Variants in PDSS2 observed in about 807,000 individuals in gnomAD.
The protein encoded by PDSS2 is all trans-polyprenyl-diphosphate synthase PDSS2.
PDSS2 carries 31 observed loss-of-function variants against 44.5 expected under a neutral mutation model. That is an observed-to-expected ratio of 0.70 (90% CI 0.52 to 0.94). The LOEUF is 0.94. Ranked by LOEUF, PDSS2 falls within the 40% of genes least tolerant of loss-of-function variation. The pLI, the probability that PDSS2 is intolerant of heterozygous loss-of-function variation, is 0.00. For synonymous variants in PDSS2, 157 were observed against 180.3 expected, an observed-to-expected ratio of 0.87 and a Z score of 1.03; for missense variants, 452 against 482.2, an observed-to-expected ratio of 0.94 and a Z score of 0.59.
rs189156037 is a variant in PDSS2, at chr6:107,242,150, G to C, written c.702+3398C>G. On this transcript the variant is annotated intron_variant, in intron 4 of 7. Transcript: ENST00000369037. ...AGCCAGAATTTTTCTGGTTAGGAAG[G>C]GAAATGTGGTTAACCTAAATTGGAC... 7.2e-5 allele frequency among the ~76,000 whole-genome samples: 11 copies of C among 152,250 alleles called. No individual in the cohort carries two copies. The East Asian group carries it at 1.9e-3, about 27-fold the overall frequency.
chr6:107,158,027 T>C (rs1770971612), intron 7 of PDSS2, among the ~76,000 whole-genome samples: 1 of 152,076 alleles, frequency 6.6e-6, no homozygotes, highest in African/African-American at 2.4e-5. Context: ...GACTTCAAGG[T>C]CCTTACTGTA....
At chr6:107,370,524 T>C (rs558528833) in intron 1 of PDSS2, among the ~76,000 whole-genome samples, 24 of 152,310 alleles carry the variant, frequency 1.6e-4, no homozygotes, top group African/African-American at 3.4e-4. Flanking sequence ...TCTGCAAAAA[T>C]AGTGTGGTAT....
At chr6:107,241,328 C>G (rs1774417840) in intron 4 of PDSS2, among the ~76,000 whole-genome samples, 1 of 141,084 alleles carries the variant, frequency 7.1e-6, no homozygotes, top group Non-Finnish European at 1.5e-5. Flanking sequence ...AATTGCTCTA[C>G]AAACCTCTTC....
At chr6:107,448,005 G>A (rs1338515429) in intron 1 of PDSS2, among the ~76,000 whole-genome samples, 1 of 152,250 alleles carries the variant, frequency 6.6e-6, no homozygotes, top group Non-Finnish European at 1.5e-5. Context: ...TGAAGCAACA[G>A]CCTGAGCTGT....
intron 2 of PDSS2, among the ~76,000 whole-genome samples, chr6:107,321,772 A>C (rs931006943): frequency 6.6e-6 from 1 of 152,272 alleles, no homozygotes; most frequent in African/African-American, 2.4e-5. Context: ...CAATATACTC[A>C]ATTCAACCAC....
chr6:107,279,701 A>T (rs1432270305), intron 2 of PDSS2, among the ~76,000 whole-genome samples: 2 of 152,220 alleles, frequency 1.3e-5, no homozygotes, highest in Non-Finnish European at 2.9e-5. Context: ...GATTTAAAAA[A>T]ATGATTACTA....
chr6:107,197,873 G>C (rs1197706191), intron 6 of PDSS2: 1 of 468,714 alleles, frequency 2.1e-6, no homozygotes, highest in Non-Finnish European at 4.4e-6. Context: ...TTGAAAGTTA[G>C]AAAGTTGAAC....
chr6:107,175,271 C>A (rs548651691), intron 7 of PDSS2, among the ~76,000 whole-genome samples: 5 of 151,640 alleles, frequency 3.3e-5, no homozygotes, highest in African/African-American at 1.2e-4. Flanking sequence ...ATACCTATAT[C>A]TATCTTCTAC....
chr6:107,414,959 T>C (rs983909753), intron 1 of PDSS2, among the ~76,000 whole-genome samples: 1 of 152,140 alleles, frequency 6.6e-6, no homozygotes. Context: ...AATTGGGGCA[T>C]GGCACTCAAG....
intron 2 of PDSS2, among the ~76,000 whole-genome samples, chr6:107,282,640 T>C (rs1582888658): frequency 1.4e-5 from 2 of 147,902 alleles, no homozygotes; most frequent in Non-Finnish European, 3.0e-5. Context: ...CCGAGGCGGG[T>C]GGATCACGAA....
chr6:107,458,224 G>A (rs1210434933), intron 1 of PDSS2, among the ~76,000 whole-genome samples: 15 of 150,896 alleles, frequency 9.9e-5, no homozygotes, highest in Non-Finnish European at 1.9e-4. Context: ...GGTGGCTCAC[G>A]CCTGTAATCC....
At chr6:107,398,157 GCTC>G in intron 1 of PDSS2, among the ~76,000 whole-genome samples, 1 of 152,244 alleles carries the variant, frequency 6.6e-6, no homozygotes, top group South Asian at 2.1e-4. Context: ...TGGTTACATT[GCTC>G]CTCCTTTTCC....
chr6:107,181,630 C>T (rs1213474394), intron 7 of PDSS2, among the ~76,000 whole-genome samples: 1 of 151,260 alleles, frequency 6.6e-6, no homozygotes, highest in East Asian at 1.9e-4. Flanking sequence ...TGGCTCACAC[C>T]TGTAATCCCA....
At chr6:107,450,269 G>A (rs986493575) in intron 1 of PDSS2, among the ~76,000 whole-genome samples, 4 of 151,952 alleles carry the variant, frequency 2.6e-5, no homozygotes, top group African/African-American at 7.3e-5. Context: ...GTTTCCAGTT[G>A]GGAAATAATT....
intron 7 of PDSS2, among the ~76,000 whole-genome samples, chr6:107,180,549 T>C (rs895328488): frequency 1.3e-5 from 2 of 152,180 alleles, no homozygotes; most frequent in Non-Finnish European, 2.9e-5. Flanking sequence ...CGACAGTCAG[T>C]CAACAAATAT....
At chr6:107,213,402 G>C (rs1345037782) in intron 4 of PDSS2, among the ~76,000 whole-genome samples, 3 of 151,690 alleles carry the variant, frequency 2.0e-5, no homozygotes, top group Admixed American at 6.6e-5. Flanking sequence ...TGCCTGCCTT[G>C]GCCTCCCAAA....
chr6:107,254,167 G>C (rs1323603230), intron 3 of PDSS2, among the ~76,000 whole-genome samples: 1 of 151,110 alleles, frequency 6.6e-6, no homozygotes, highest in Non-Finnish European at 1.5e-5. Context: ...CTGAGTAGCT[G>C]GGATTACAGG....
chr6:107,451,776 T>G (rs185130561), intron 1 of PDSS2, among the ~76,000 whole-genome samples: 1 of 152,290 alleles, frequency 6.6e-6, no homozygotes, highest in East Asian at 1.9e-4. Context: ...TCGGGGCCTT[T>G]GCAGCCTCCA....
intron 1 of PDSS2, among the ~76,000 whole-genome samples, chr6:107,338,017 G>A (rs1462383606): frequency 6.6e-6 from 1 of 152,118 alleles, no homozygotes; most frequent in Admixed American, 6.5e-5. Context: ...TAGACTAACA[G>A]CTTGAGTAAA....
Sources: allele counts gnomAD v4.1 joint callset (sites outside exome capture counted in the v4.1 genomes callset), GRCh38; gene constraint gnomAD v4.1.1; transcripts MANE v1.5; gene names NCBI Gene and HGNC (gene_info 2026-07-23, HGNC 2026-07-21).